The following CTNNA2 variants were observed in gnomAD, a reference collection of about 807,000 sequenced individuals.
The protein encoded by CTNNA2 is catenin alpha-2.
In CTNNA2, 42 loss-of-function variants were observed where a neutral mutation model predicts 101.0. The observed-to-expected ratio is 0.42, with a 90% confidence interval of 0.32 to 0.54. The LOEUF (loss-of-function observed/expected upper bound fraction) is 0.54. CTNNA2 is among the 20% of genes least tolerant of loss of function. The pLI is 0.14. For missense variants in CTNNA2, 871 were observed against 1,223.1 expected (o/e 0.71, Z 4.29); for synonymous variants, 450 against 456.4 (o/e 0.99, Z 0.18).
chr2:79,776,787 T>C (rs1308905664), intron 3 of CTNNA2, among the ~76,000 whole-genome samples: 1 of 152,192 alleles, frequency 6.6e-6, no homozygotes, highest in Non-Finnish European at 1.5e-5. Flanking sequence ...GAGATAAAAG[T>C]ATTAGCTTAA....
At chr2:79,754,391 C>T (rs1479328800) in intron 3 of CTNNA2, among the ~76,000 whole-genome samples, 1 of 152,084 alleles carries the variant, frequency 6.6e-6, no homozygotes, top group Non-Finnish European at 1.5e-5. Flanking sequence ...ACAGAAACTT[C>T]AGTTGATGCC....
chr2:80,329,236 C>G (rs959680089), intron 7 of CTNNA2, among the ~76,000 whole-genome samples: 5 of 152,120 alleles, frequency 3.3e-5, no homozygotes, highest in African/African-American at 1.2e-4. Context: ...GAATAACCAG[C>G]CTGGTGTTCA....
At chr2:80,531,653 G>A (rs1300017237) in intron 9 of CTNNA2, among the ~76,000 whole-genome samples, 1 of 152,010 alleles carries the variant, frequency 6.6e-6, no homozygotes, top group African/African-American at 2.4e-5. Context: ...ATCTCCTCCT[G>A]GTTTTTTATT....
At chr2:79,223,548 A>G (rs1046508263) in intron 2 of CTNNA2, among the ~76,000 whole-genome samples, 4 of 152,070 alleles carry the variant, frequency 2.6e-5, no homozygotes, top group African/African-American at 4.8e-5. Context: ...TCATCAGTCT[A>G]TTTTCAGTAG....
In CTNNA2 at chr2:79,870,761, T is replaced by G. The variant is rs1418843132; in HGVS notation, c.585+826T>G. On this transcript the variant is annotated intron_variant, in intron 5 of 18. Coordinates refer to ENST00000402739, the MANE Select transcript of CTNNA2 (RefSeq NM_001282597.3). The stretch of plus-strand genomic sequence containing the variant: ...GAGAGTGAGCAAGAGCAGGGAAAAC[T>G]GCCTTATAAAACCATCAGACCCCCG... 2.6e-5 allele frequency among the ~76,000 whole-genome samples: 4 copies of G among 152,192 alleles called. No homozygotes were observed. The East Asian group carries it at 7.8e-4, about 30-fold the overall frequency.
chr2:80,510,603 T>C (rs1344544346), intron 9 of CTNNA2, among the ~76,000 whole-genome samples: 2 of 152,230 alleles, frequency 1.3e-5, no homozygotes, highest in East Asian at 3.9e-4. Flanking sequence ...TAGTTTTTGC[T>C]TTTGAATATA....
intron 2 of CTNNA2, among the ~76,000 whole-genome samples, chr2:79,241,110 C>T (rs139026741): frequency 6.6e-6 from 1 of 152,158 alleles, no homozygotes; most frequent in Non-Finnish European, 1.5e-5. Flanking sequence ...ACACTGTAAA[C>T]TAATCTCATA....
intron 7 of CTNNA2, among the ~76,000 whole-genome samples, chr2:80,338,370 C>A (rs1671943220): frequency 7.1e-6 from 1 of 140,778 alleles, no homozygotes; most frequent in African/African-American, 2.7e-5. Context: ...AGGGAATATT[C>A]TGGAAGTCTT....
chr2:79,718,142 T>C (rs1008454125), intron 2 of CTNNA2, among the ~76,000 whole-genome samples: 5 of 152,198 alleles, frequency 3.3e-5, no homozygotes, highest in African/African-American at 1.2e-4. Context: ...CCTATAGTAA[T>C]AGTGTTTCCC....
At chr2:79,984,707 A>G (rs970130740) in intron 7 of CTNNA2, among the ~76,000 whole-genome samples, 15 of 152,152 alleles carry the variant, frequency 9.9e-5, no homozygotes, top group Non-Finnish European at 1.5e-5. Context: ...TGAGACTCAC[A>G]GAGGCATCAG....
chr2:79,235,518 GGTGCTCTAATCCACA>G (rs1322297053), intron 2 of CTNNA2, among the ~76,000 whole-genome samples: 2 of 151,996 alleles, frequency 1.3e-5, no homozygotes, highest in Non-Finnish European at 2.9e-5. Context: ...TCTTTTGTTA[GGTGCTCTAATCCACA>G]GTGCTCCCCC....
At chr2:79,475,463 A>C (rs1671040891) in intron 4 of CTNNA2, among the ~76,000 whole-genome samples, 1 of 152,174 alleles carries the variant, frequency 6.6e-6, no homozygotes, top group South Asian at 2.1e-4. Context: ...GAACGTTCAC[A>C]AAGTGCTAGC....
At chr2:79,689,627 G>A (rs958164746) in intron 2 of CTNNA2, among the ~76,000 whole-genome samples, 1 of 151,640 alleles carries the variant, frequency 6.6e-6, no homozygotes, top group African/African-American at 2.4e-5. Flanking sequence ...AAAGAAAAAG[G>A]TAGCAAAAAA....
At chr2:79,853,729 C>T (rs1279568983) in intron 3 of CTNNA2, among the ~76,000 whole-genome samples, 3 of 148,118 alleles carry the variant, frequency 2.0e-5, no homozygotes, top group Non-Finnish European at 4.4e-5. Flanking sequence ...AGGGCAATGG[C>T]GTGATCTTGG....
At position 79,742,858 on chromosome 2, in the gene CTNNA2, A is replaced by G. The variant is rs76104841; in HGVS notation, c.103-1529A>G. On this transcript the variant is annotated intron_variant, in intron 2 of 18. Coordinates refer to ENST00000402739, the MANE Select transcript of CTNNA2 (RefSeq NM_001282597.3). ...TTTAGCAATCAAAAGAGAGCCGAAT[A>G]AAACAGCTCCCAACCCTGCACTAAT... Among the ~76,000 whole-genome samples, 1,166 of 152,346 alleles carry G rather than the reference A, an allele frequency of 7.7e-3. 26 individuals are homozygous for G. Among genetic ancestry groups the G allele is most frequent in the East Asian group, 0.056 (288 of 5,188 alleles).
chr2:80,342,441 G>A (rs568950945), intron 7 of CTNNA2, among the ~76,000 whole-genome samples: 115 of 152,326 alleles, frequency 7.5e-4, no homozygotes, highest in Non-Finnish European at 1.1e-3. Context: ...TGCTGCTGCT[G>A]TAAGAGCTAA....
Position 79,573,893 on chromosome 2 carries a change from A to T in CTNNA2, c.-6+60686A>T, listed in dbSNP as rs973270215. The T allele has an allele frequency of 4.7e-4, 72 of 152,374 alleles. 1 individual carries two copies. Among genetic ancestry groups the T allele is most frequent in the Non-Finnish European group, 1.6e-4 (11 of 68,186 alleles). 9.4% of individuals were successfully genotyped at this position (152,374 alleles called of 1,614,324 possible). A position where few individuals can be genotyped will look rare whatever the true frequency, so the allele number is the denominator to read the frequency against. ...TTTGGATGTCTTAAGAGCAGTGTGG[A>T]TTCTTTCCAAATTCCAAGAAATAGT... On this transcript the variant is annotated intron_variant, in intron 1 of 18. Coordinates refer to ENST00000402739, the MANE Select transcript of CTNNA2 (RefSeq NM_001282597.3).
At chr2:79,839,118 G>A (rs551722839) in intron 3 of CTNNA2, among the ~76,000 whole-genome samples, 13 of 152,066 alleles carry the variant, frequency 8.5e-5, no homozygotes, top group African/African-American at 3.1e-4. Context: ...TAATCATGGC[G>A]TTTGGCAGTA....
chr2:80,177,544 C>A (rs770087635), intron 7 of CTNNA2, among the ~76,000 whole-genome samples: 1 of 152,178 alleles, frequency 6.6e-6, no homozygotes. Flanking sequence ...TGCATAACCT[C>A]CATCTCTGTT....
Sources: gnomAD v4.1 joint callset for allele counts (sites outside exome capture counted in the v4.1 genomes callset) on GRCh38, gnomAD v4.1.1 for gene constraint, MANE v1.5 for transcripts, NCBI Gene and HGNC (gene_info 2026-07-23, HGNC 2026-07-21) for gene names.